Variants in TLR6 observed in about 807,000 individuals in gnomAD.
TLR6 encodes toll like receptor 6.
Under a neutral mutation model 16.1 loss-of-function variants are expected in TLR6, and 9 were observed. The ratio of observed to expected loss-of-function variants is 0.56; its 90% CI spans 0.34 to 0.98. The LOEUF (loss-of-function observed/expected upper bound fraction) is 0.98, where lower values mean the gene tolerates loss of function less well. Ranked by LOEUF, TLR6 falls within the 50% of genes least tolerant of loss-of-function variation. The pLI is 0.02. For missense variants in TLR6, 786 were observed against 921.0 expected, an observed-to-expected ratio of 0.85 and a Z score of 1.90; for synonymous variants, 340 against 338.6, an observed-to-expected ratio of 1.00 and a Z score of -0.04.
chr4:38,855,392 T>C (rs1386736890), intron 1 of TLR6, among the ~76,000 whole-genome samples: 1 of 152,168 alleles, frequency 6.6e-6, no homozygotes, highest in Admixed American at 6.5e-5. Context: ...TCTTATACTT[T>C]CAGATATCCC....
chr4:38,828,172 A>C (rs749504631), exon 2 of TLR6: 1 of 1,614,214 alleles, frequency 6.2e-7, no homozygotes, highest in Non-Finnish European at 8.5e-7. Flanking sequence ...TTGAAGACAA[A>C]TTTAACACCA....
chr4:38,856,404 T>C (rs1371898150), intron 1 of TLR6, among the ~76,000 whole-genome samples: 1 of 152,154 alleles, frequency 6.6e-6, no homozygotes, highest in African/African-American at 2.4e-5. Context: ...ATATCAGTGG[T>C]ATATAAAAAT....
chr4:38,853,479 A>G (rs777658170), intron 1 of TLR6, among the ~76,000 whole-genome samples: 4 of 152,208 alleles, frequency 2.6e-5, no homozygotes, highest in Non-Finnish European at 5.9e-5. Flanking sequence ...TGAAGAAAGA[A>G]AATCATTATT....
At chr4:38,858,724 GA>G (rs1259066705), upstream of TLR6, among the ~76,000 whole-genome samples, 3 of 120,742 alleles carry the variant, frequency 2.5e-5, no homozygotes, top group Non-Finnish European at 5.0e-5. Flanking sequence ...TGGCTCAAAA[GA>G]AAAAAGAAAG....
At chr4:38,840,914 A>T (rs1712228087) in intron 1 of TLR6, among the ~76,000 whole-genome samples, 1 of 152,232 alleles carries the variant, frequency 6.6e-6, no homozygotes, top group Non-Finnish European at 1.5e-5. Context: ...GAAAGAAATA[A>T]ATCAGCTATT....
chr4:38,826,954 T>G, exon 2 of TLR6: 1 of 775,782 alleles, frequency 1.3e-6, no homozygotes, highest in Non-Finnish European at 2.0e-6. Context: ...AGATGAAACA[T>G]TGTTTTTGTT....
chr4:38,845,651 C>T (rs1712494363), intron 1 of TLR6, among the ~76,000 whole-genome samples: 1 of 152,200 alleles, frequency 6.6e-6, no homozygotes, highest in Non-Finnish European at 1.5e-5. Flanking sequence ...CTAGAGCCTC[C>T]AGAAAGAATG....
chr4:38,843,161 A>G (rs556264090), intron 1 of TLR6, among the ~76,000 whole-genome samples: 1 of 152,330 alleles, frequency 6.6e-6, no homozygotes, highest in South Asian at 2.1e-4. Context: ...GCAAACAAGA[A>G]AAGAATACTT....
chr4:38,864,360 G>A, the TLR6 span, among the ~76,000 whole-genome samples: 9 of 152,180 alleles, frequency 5.9e-5, no homozygotes, highest in African/African-American at 2.2e-4. Flanking sequence ...TGAATAAATG[G>A]TTGACCCATA....
chr4:38,843,526 T>G (rs1712377925), intron 1 of TLR6: 1 of 152,206 alleles, frequency 6.6e-6, no homozygotes, highest in African/African-American at 2.4e-5. Flanking sequence ...ATATTGGAAA[T>G]AGTAAAACAG....
exon 2 of TLR6, chr4:38,829,243 C>G: frequency 6.2e-7 from 1 of 1,614,180 alleles, no homozygotes; most frequent in Non-Finnish European, 8.5e-7. Flanking sequence ...AAACTGTCAA[C>G]TCTGATAGAA....
chr4:38,852,744 A>G (rs1423780157), intron 1 of TLR6, among the ~76,000 whole-genome samples: 1 of 151,120 alleles, frequency 6.6e-6, no homozygotes, highest in African/African-American at 2.4e-5. Context: ...GGTGCTGGAG[A>G]GGACGTGGAG....
chr4:38,828,533 T>C, exon 2 of TLR6: 2 of 1,614,116 alleles, frequency 1.2e-6, no homozygotes, highest in Non-Finnish European at 1.7e-6. Context: ...AAAAACTTGG[T>C]TCGTGATATG....
exon 2 of TLR6, chr4:38,828,612 T>C: frequency 6.2e-7 from 1 of 1,613,896 alleles, no homozygotes; most frequent in South Asian, 1.1e-5. Flanking sequence ...CTTTCAATTA[T>C]TGTTAAATTG....
upstream of TLR6, among the ~76,000 whole-genome samples, chr4:38,858,881 AAGAAAG>A (rs1159420684): frequency 2.1e-4 from 19 of 90,534 alleles, no homozygotes; most frequent in Non-Finnish European, 4.2e-4. Flanking sequence ...GAAAGAAAGA[AAGAAAG>A]AGAGAAAGAA....
intron 1 of TLR6, among the ~76,000 whole-genome samples, chr4:38,850,247 T>C (rs1712710516): frequency 6.6e-6 from 1 of 152,202 alleles, no homozygotes; most frequent in Non-Finnish European, 1.5e-5. Flanking sequence ...GAGGGAAATT[T>C]ATAGCACTAA....
At chr4:38,827,537 A>C in exon 2 of TLR6, 1 of 1,614,232 alleles carries the variant, frequency 6.2e-7, no homozygotes, top group Non-Finnish European at 8.5e-7. Flanking sequence ...ACTATATGAA[A>C]TAAAAGCATG....
chr4:38,828,682 T>A (rs373957709), exon 2 of TLR6: 1 of 1,614,190 alleles, frequency 6.2e-7, no homozygotes, highest in Non-Finnish European at 8.5e-7. Context: ...TGACCAGGCA[T>A]TTCCAAGTCG....
At chr4:38,824,702 C>T (rs1727465723) in exon 2 of TLR6, 1 of 152,136 alleles carries the variant, frequency 6.6e-6, no homozygotes, top group Admixed American at 6.5e-5. Flanking sequence ...TGTTGTTCTC[C>T]TGAAGAGCAA....
Sources: gnomAD v4.1 joint callset for allele counts (sites outside exome capture counted in the v4.1 genomes callset) on GRCh38, gnomAD v4.1.1 for gene constraint, MANE v1.5 for transcripts, NCBI Gene and HGNC (gene_info 2026-07-23, HGNC 2026-07-21) for gene names.